Variants in CCDC77 observed in about 807,000 individuals in gnomAD.
The protein encoded by CCDC77 is coiled-coil domain-containing protein 77.
Under a neutral mutation model 66.8 loss-of-function variants are expected in CCDC77, and 56 were observed. That is an observed-to-expected ratio of 0.84 (90% CI 0.68 to 1.05). CCDC77 has a LOEUF of 1.05. Among genes scored for constraint, CCDC77 ranks in the 50% least tolerant of loss-of-function variants. The pLI, the probability that CCDC77 is intolerant of heterozygous loss-of-function variation, is 0.00. For synonymous variants in CCDC77, 196 were observed against 195.2 expected, an observed-to-expected ratio of 1.00 and a Z score of -0.03; for missense variants, 570 against 576.8, an observed-to-expected ratio of 0.99 and a Z score of 0.12.
chr12:441,868 A>G lies in CCDC77; in HGVS notation c.1415A>G (p.Lys472Arg). The G allele has an allele frequency of 6.2e-7, 1 of 1,614,082 alleles. No individual in the cohort carries two copies. Among genetic ancestry groups the G allele is most frequent in the South Asian group, 1.1e-5 (1 of 91,076 alleles). Reference protein sequence around the residue: ...RRAHKIQGELKNLKSKVFGLE... With the variant: ...RRAHKIQGELRNLKSKVFGLE... ...GCACATAAGATACAAGGAGAACTGA[A>G]GAATCTTAAGTCGAAAGTGTTTGGT... Residue 472 changes from lysine (K) to arginine (R), a missense_variant, in exon 13 of 13, where the codon AAG becomes AGG. By Grantham distance (26) the Lys-to-Arg change is conservative. Transcript: ENST00000239830.
Position 433,193 on chromosome 12 carries a change from A to T in CCDC77, c.692A>T (p.Gln231Leu). The T allele has an allele frequency of 6.2e-7, 1 of 1,613,996 alleles. No homozygotes were observed. Residue 231 changes from glutamine to leucine, a missense_variant, in exon 9 of 13, where the codon CAG (glutamine) becomes CTG (leucine). Physicochemically the swap from Gln to Leu is moderately radical, Grantham distance 113. Transcript: ENST00000239830. ...LILQVEALQA[Q>L]LGEQTKLSRE... ...GTCTAGGTGGAAGCACTGCAGGCTC[A>T]GCTGGGAGAGCAGACCAAACTTTCT...
rs773948619 is a variant in CCDC77 at position 433,229 on chromosome 12, T to C, written c.728T>C (p.Ile243Thr). The C allele has an allele frequency of 1.9e-5, 30 of 1,613,996 alleles. No individual in the cohort carries two copies. In the South Asian group the frequency reaches 3.3e-4, roughly 18 times the overall value. Reference sequence around the variant, plus strand: ...CAGACCAAACTTTCTCGAGAACAAATTGAAGGGCTCATCGAGGACAGACGG... The same window carrying C: ...CAGACCAAACTTTCTCGAGAACAAACTGAAGGGCTCATCGAGGACAGACGG... Reference protein sequence around the residue: ...GEQTKLSREQIEGLIEDRRIH... With the variant: ...GEQTKLSREQTEGLIEDRRIH... The change falls in exon 9 of 13, where the codon ATT (isoleucine) becomes ACT (threonine). Residue 243 changes from isoleucine (I) to threonine (T), a missense_variant. Ile to Thr is a moderately conservative substitution (Grantham distance 89). Transcript: ENST00000239830.
intron 1 of CCDC77, among the ~76,000 whole-genome samples, 155 bp from the exon 2 acceptor site, chr12:405,356 G>T (rs770735995): frequency 4.6e-5 from 7 of 152,198 alleles, no homozygotes; most frequent in Non-Finnish European, 8.8e-5. Context: ...GGACTGTGCT[G>T]ATAGGTACAC....
At chr12:395,571 A>G (rs1031314210) in intron 1 of CCDC77, among the ~76,000 whole-genome samples, 2 of 152,058 alleles carry the variant, frequency 1.3e-5, no homozygotes, top group Non-Finnish European at 2.9e-5. Context: ...AATAAAAATA[A>G]TAATAAATAA....
At chr12:418,864 C>G in intron 5 of CCDC77, 2 of 456,448 alleles carry the variant, frequency 4.4e-6, no homozygotes, top group South Asian at 2.9e-5. Flanking sequence ...AGGCCTAGCT[C>G]ATTTTTGTAT....
intron 5 of CCDC77, among the ~76,000 whole-genome samples, chr12:426,161 C>T (rs531850612): frequency 5.3e-5 from 8 of 152,322 alleles, no homozygotes; most frequent in African/African-American, 1.9e-4. Flanking sequence ...CCGCGCCCAG[C>T]CCAGATTCTT....
chr12:398,659 G>C (rs1172049996), upstream of CCDC77, among the ~76,000 whole-genome samples: 1 of 151,988 alleles, frequency 6.6e-6, no homozygotes, highest in East Asian at 1.9e-4. Flanking sequence ...AGACATCCAA[G>C]AGGATTGGAA....
intron 9 of CCDC77, among the ~76,000 whole-genome samples, chr12:437,060 C>G (rs2137618424): frequency 6.6e-6 from 1 of 152,322 alleles, no homozygotes; most frequent in East Asian, 1.9e-4. Flanking sequence ...TTCCTCTTAT[C>G]TGTGCACTCT....
chr12:429,455 A>G (rs1945604923), intron 6 of CCDC77, among the ~76,000 whole-genome samples: 1 of 146,746 alleles, frequency 6.8e-6, no homozygotes, highest in Non-Finnish European at 1.5e-5. Context: ...GTCCTTGGCC[A>G]AGAGCTACTT....
intron 4 of CCDC77, among the ~76,000 whole-genome samples, chr12:414,931 C>G (rs971911995): frequency 1.3e-5 from 2 of 152,170 alleles, no homozygotes; most frequent in African/African-American, 4.8e-5. Flanking sequence ...ACTTTTCACT[C>G]TAGCAGTACT....
intron 10 of CCDC77, among the ~76,000 whole-genome samples, chr12:439,706 G>A (rs574134290): frequency 4.9e-4 from 74 of 151,910 alleles, no homozygotes; most frequent in Admixed American, 4.6e-4. Flanking sequence ...CTTGAACCTG[G>A]GAGGCAGAGG....
chr12:389,528 G>A (rs1944705963), intron 1 of CCDC77: 1 of 265,914 alleles, frequency 3.8e-6, no homozygotes, highest in African/African-American at 3.6e-5. Context: ...TTTACTAGAG[G>A]TACGGATTGA....
intron 11 of CCDC77, 42 bp downstream of exon 11, chr12:440,784 G>C (rs1945843364): frequency 6.2e-7 from 1 of 1,613,360 alleles, no homozygotes; most frequent in Non-Finnish European, 8.5e-7. Context: ...AGGAAGTGCA[G>C]ATGGCTGGGG....
At chr12:406,511 C>G (rs1480946327) in intron 2 of CCDC77, among the ~76,000 whole-genome samples, 3 of 152,208 alleles carry the variant, frequency 2.0e-5, no homozygotes, top group East Asian at 3.9e-4. Context: ...CCAGATCATA[C>G]AGGACCTTGT....
chr12:415,164 G>A (rs1012592629), intron 4 of CCDC77, among the ~76,000 whole-genome samples: 6 of 151,562 alleles, frequency 4.0e-5, no homozygotes, highest in Non-Finnish European at 8.8e-5. Context: ...CAGCCTAATT[G>A]TTTTTGTAGA....
rs1189686128 is a variant in CCDC77 at position 442,206 on chromosome 12, G to T, written c.*286G>T. The T allele has an allele frequency of 4.1e-6, 1 of 243,884 alleles. No homozygotes were observed. The highest frequency in any genetic ancestry group is 7.8e-6 in the Non-Finnish European group (1 of 127,496). 15.1% of individuals were successfully genotyped at this position (243,884 alleles called of 1,614,324 possible). ...ATCCTGTCTGTATTGACCGGTTTTT[G>T]TTTTTTCAGAAGGCAGTGATGATGA... On this transcript the variant is annotated 3_prime_UTR_variant, in exon 13 of 13. Transcript: ENST00000239830.
At chr12:416,343 GGGTGTGTGTGT>G (rs1565568979) in intron 4 of CCDC77, among the ~76,000 whole-genome samples, 3 of 35,586 alleles carry the variant, frequency 8.4e-5, no homozygotes, top group East Asian at 4.2e-3. Flanking sequence ...GGGTGTGTGG[GGGTGTGTGTGT>G]GTGTGTGTGT....
chr12:411,150 T>G (rs758642047), intron 3 of CCDC77, among the ~76,000 whole-genome samples: 1 of 149,332 alleles, frequency 6.7e-6, no homozygotes, highest in Non-Finnish European at 1.5e-5. Flanking sequence ...TAAAATTATT[T>G]ACTATCCTGT....
intron 4 of CCDC77, among the ~76,000 whole-genome samples, chr12:413,139 C>G (rs1344005669): frequency 8.6e-5 from 13 of 151,488 alleles, no homozygotes; most frequent in Non-Finnish European, 1.5e-4. Context: ...GGGGTTTCAC[C>G]GTGTTAGCCA....
Sources: allele counts gnomAD v4.1 joint callset (sites outside exome capture counted in the v4.1 genomes callset), GRCh38; gene constraint gnomAD v4.1.1; transcripts MANE v1.5; gene names NCBI Gene and HGNC (gene_info 2026-07-23, HGNC 2026-07-21).